MBNL1: variants seen among roughly 807,000 people sequenced by gnomAD.
MBNL1 encodes the protein muscleblind-like protein 1.
In MBNL1, 8 loss-of-function variants were observed where a neutral mutation model predicts 42.2. The ratio of observed to expected loss-of-function variants is 0.19; its 90% CI spans 0.11 to 0.34. MBNL1 has a LOEUF of 0.34. Ranked by LOEUF, MBNL1 falls within the 10% of genes least tolerant of loss-of-function variation. The pLI, the probability that MBNL1 is intolerant of heterozygous loss-of-function variation, is 1.00. For missense variants in MBNL1, 309 were observed against 495.3 expected, an observed-to-expected ratio of 0.62 and a Z score of 3.57; for synonymous variants, 169 against 173.9, an observed-to-expected ratio of 0.97 and a Z score of 0.22.
chr3:152,334,591 A>G (rs994075168), intron 2 of MBNL1, among the ~76,000 whole-genome samples: 4 of 152,208 alleles, frequency 2.6e-5, no homozygotes, highest in Admixed American at 2.6e-4. Context: ...TTATGAAAAC[A>G]TTAGAATTTT....
At chr3:152,350,709 G>A (rs1326684662) in intron 2 of MBNL1, among the ~76,000 whole-genome samples, 2 of 152,028 alleles carry the variant, frequency 1.3e-5, no homozygotes, top group Non-Finnish European at 2.9e-5. Flanking sequence ...CAGAAATGAA[G>A]GTGCTTAGCC....
At chr3:152,252,177 T>TTCCTTCCTTCCTTCCC (rs1559934443) in intron 2 of MBNL1, among the ~76,000 whole-genome samples, 1 of 84,840 alleles carries the variant, frequency 1.2e-5, no homozygotes, top group African/African-American at 4.2e-5. Context: ...CCTTCCTTCC[T>TTCCTTCCTTCCTTCCC]TCCCTCCTTC....
rs755376776 is a variant in MBNL1 at position 152,464,040 on chromosome 3, A to G, written c.*1674A>G. 5.2e-5 allele frequency: 8 copies of G among 152,606 alleles called. No homozygotes were observed. The highest frequency in any genetic ancestry group is 2.1e-4 in the South Asian group (1 of 4,832). The allele number at this position is 152,606 out of a possible 1,614,324, so 9.5% of individuals were successfully genotyped here. A position where few individuals can be genotyped will look rare whatever the true frequency, so the allele number is the denominator to read the frequency against. On this transcript the variant is annotated 3_prime_UTR_variant, in exon 10 of 10. Transcript: ENST00000324210. ...TGGAACCCATACCAATGTAATTTCA[A>G]TCGTGTTAAGAAAGTAATGGTGACT...
intron 1 of MBNL1, among the ~76,000 whole-genome samples, chr3:152,294,278 CTTTTTTTTTTT>C (rs201018898): frequency 4.9e-4 from 59 of 121,078 alleles, no homozygotes; most frequent in African/African-American, 1.0e-3. Context: ...AAGTTTGATT[CTTTTTTTTTTT>C]TTTTTTTTTT....
intron 2 of MBNL1, among the ~76,000 whole-genome samples, chr3:152,406,665 G>C (rs1385704106): frequency 6.6e-6 from 1 of 152,154 alleles, no homozygotes. Flanking sequence ...AAAAGTCATA[G>C]TATCCCAGTG....
chr3:152,347,678 C>T (rs1344727472), intron 2 of MBNL1, among the ~76,000 whole-genome samples: 1 of 151,962 alleles, frequency 6.6e-6, no homozygotes, highest in East Asian at 1.9e-4. Context: ...ATGACAGGTC[C>T]CCATTTGATC....
intron 2 of MBNL1, among the ~76,000 whole-genome samples, chr3:152,355,104 C>T (rs942445848): frequency 6.6e-6 from 1 of 151,978 alleles, no homozygotes; most frequent in African/African-American, 2.4e-5. Flanking sequence ...AAGGAATGAG[C>T]AAACAATTAA....
At chr3:152,308,819 GT>G (rs991781874) in intron 2 of MBNL1, among the ~76,000 whole-genome samples, 22 of 141,836 alleles carry the variant, frequency 1.6e-4, no homozygotes, top group South Asian at 4.4e-4. Context: ...GTTTTGTTTT[GT>G]TTTTTTTTTT....
At chr3:152,301,648 A>T (rs887539802) in intron 2 of MBNL1, among the ~76,000 whole-genome samples, 1 of 152,226 alleles carries the variant, frequency 6.6e-6, no homozygotes, top group South Asian at 2.1e-4. Context: ...TCTTAATGTC[A>T]TAGTCCTAAA....
chr3:152,359,981 TG>T (rs2095819852), intron 2 of MBNL1, among the ~76,000 whole-genome samples: 1 of 152,228 alleles, frequency 6.6e-6, no homozygotes, highest in African/African-American at 2.4e-5. Flanking sequence ...TTGAAAACAT[TG>T]GGCTTTTTCC....
At chr3:152,345,253 C>T (rs1373361475) in intron 2 of MBNL1, among the ~76,000 whole-genome samples, 1 of 151,956 alleles carries the variant, frequency 6.6e-6, no homozygotes, top group African/African-American at 2.4e-5. Context: ...ACTTAGATAC[C>T]TTGAGTACCA....
intron 1 of MBNL1, among the ~76,000 whole-genome samples, chr3:152,282,921 C>T (rs560662314): frequency 1.3e-5 from 2 of 152,258 alleles, no homozygotes; most frequent in East Asian, 3.9e-4. Context: ...TTTAAAAGGT[C>T]AGGCCAGTAC....
chr3:152,457,469 C>A (rs374283317), intron 8 of MBNL1, among the ~76,000 whole-genome samples: 4 of 152,208 alleles, frequency 2.6e-5, no homozygotes, highest in Admixed American at 1.3e-4. Context: ...TAATACATCA[C>A]GTACTGTTGA....
intron 1 of MBNL1, among the ~76,000 whole-genome samples, chr3:152,298,225 C>G (rs143335094): frequency 3.2e-3 from 485 of 152,288 alleles, no homozygotes; most frequent in African/African-American, 0.011. Context: ...GTGTCATTGC[C>G]TCTTTAAAAT....
rs569333827 is a variant in MBNL1 at position 152,431,534 on chromosome 3, C to T, written c.346-1183C>T. On this transcript the variant is annotated intron_variant, in intron 3 of 9. Coordinates refer to ENST00000324210, the MANE Select transcript of MBNL1 (RefSeq NM_021038.5). Reference sequence around the variant, plus strand: ...CATATATTCAGATATCATGTAACTTCTTATTCCTGTCAGATGGCAGAATTA... The same window carrying T: ...CATATATTCAGATATCATGTAACTTTTTATTCCTGTCAGATGGCAGAATTA... Among the ~76,000 whole-genome samples, 414 of 152,272 alleles carry T rather than the reference C, an allele frequency of 2.7e-3. 5 individuals carry two copies. The highest frequency in any genetic ancestry group is 3.6e-3 in the Non-Finnish European group (247 of 68,018).
chr3:152,268,951 G>C lies in MBNL1; in HGVS notation c.-931G>C. ...AACAGTCTTTTCACTGCAGCTGAATGAGTTGTGGCGCCCACAATGCTCCCA... is the reference window on the plus strand; with the variant it reads ...AACAGTCTTTTCACTGCAGCTGAATCAGTTGTGGCGCCCACAATGCTCCCA... On this transcript the variant is annotated 5_prime_UTR_variant, in exon 1 of 10. An upstream start codon of the reference 5' UTR is lost. Transcript: ENST00000324210. The C allele has an allele frequency of 2.2e-6, 1 of 456,296 alleles. No individual in the cohort carries two copies. Among genetic ancestry groups the C allele is most frequent in the South Asian group, 1.5e-5 (1 of 64,570 alleles). 28.3% of individuals were successfully genotyped at this position (456,296 alleles called of 1,614,324 possible).
intron 2 of MBNL1, among the ~76,000 whole-genome samples, chr3:152,394,659 A>C (rs927895075): frequency 7.2e-5 from 11 of 152,320 alleles, no homozygotes; most frequent in Admixed American, 5.2e-4. Context: ...CTTATTCCCT[A>C]GTGCAGGAAT....
chr3:152,249,527 C>T (rs1446016316), intron 2 of MBNL1, among the ~76,000 whole-genome samples: 38 of 118,694 alleles, frequency 3.2e-4, no homozygotes, highest in African/African-American at 1.1e-3. Flanking sequence ...AGCCCTTTGT[C>T]AGATGAGTAG....
At chr3:152,258,168 A>G (rs2035710343) in intron 2 of MBNL1, among the ~76,000 whole-genome samples, 3 of 152,180 alleles carry the variant, frequency 2.0e-5, no homozygotes, top group Admixed American at 2.0e-4. Context: ...AGAGACTTGA[A>G]GCTTAACAAG....
Sources: gnomAD v4.1 joint callset for allele counts (sites outside exome capture counted in the v4.1 genomes callset) on GRCh38, gnomAD v4.1.1 for gene constraint, MANE v1.5 for transcripts, NCBI Gene and HGNC (gene_info 2026-07-23, HGNC 2026-07-21) for gene names.